The following PARD3 variants were observed in gnomAD, a reference collection of about 807,000 sequenced individuals.
PARD3 encodes the protein par-3 family cell polarity regulator.
A neutral mutation model predicts 155.4 loss-of-function variants in PARD3; 75 were observed. That is an observed-to-expected ratio of 0.48 (90% confidence interval 0.40 to 0.58). The LOEUF is 0.58. Among genes scored for constraint, PARD3 ranks in the 20% least tolerant of loss-of-function variants. The pLI is 0.00. For synonymous variants in PARD3, 576 were observed against 610.5 expected (o/e 0.94, Z 0.83); for missense variants, 1,642 against 1,721.7 (o/e 0.95, Z 0.82).
chr10:34,474,052 C>G (rs892189615), intron 3 of PARD3, among the ~76,000 whole-genome samples: 1 of 152,178 alleles, frequency 6.6e-6, no homozygotes, highest in Admixed American at 6.5e-5. Context: ...TCAGTCCCAG[C>G]TACTCAGGAG....
At chr10:34,724,320 T>G (rs2094661366) in intron 1 of PARD3, among the ~76,000 whole-genome samples, 1 of 152,148 alleles carries the variant, frequency 6.6e-6, no homozygotes, top group Non-Finnish European at 1.5e-5. Context: ...ATGCCCATTT[T>G]TAAAAGCTTA....
chr10:34,194,812 A>G (rs1950870850), intron 22 of PARD3, among the ~76,000 whole-genome samples: 1 of 152,200 alleles, frequency 6.6e-6, no homozygotes, highest in Non-Finnish European at 1.5e-5. Flanking sequence ...TTAACAGTTT[A>G]TAGTTTATTA....
rs572809152 is a variant in PARD3, at chr10:34,571,584, C to T, written c.223-54425G>A. Among the ~76,000 whole-genome samples, 105 of 152,198 alleles carry T rather than the reference C, an allele frequency of 6.9e-4. 1 individual carries two copies. The highest frequency in any genetic ancestry group is 2.4e-3 in the African/African-American group (100 of 41,536). On this transcript the variant is annotated intron_variant, in intron 2 of 24. Transcript: ENST00000374788. ...TCCTCTTCAGCATGGTGTAGCAAAA[C>T]TAGCAATAATTCTAAATGTAAAAAA...
intron 5 of PARD3, chr10:34,426,751 G>A (rs528808856): frequency 1.3e-5 from 2 of 152,130 alleles, no homozygotes; most frequent in Admixed American, 6.6e-5. Flanking sequence ...AACCAGAAAA[G>A]GAAGTAGAAG....
intron 1 of PARD3, 54 bp downstream of exon 1, chr10:34,814,822 C>G: frequency 7.7e-7 from 1 of 1,302,468 alleles, no homozygotes; most frequent in Non-Finnish European, 1.0e-6. Context: ...CCATATTGAT[C>G]CCGGCGCCGT....
chr10:34,699,692 T>C (rs2094238495), intron 1 of PARD3, among the ~76,000 whole-genome samples: 1 of 152,306 alleles, frequency 6.6e-6, no homozygotes, highest in East Asian at 1.9e-4. Flanking sequence ...AGGTCCGGCA[T>C]GATGGCTCAT....
rs2078732466 is a variant in PARD3, at chr10:34,476,741, A to G, written c.404-6478T>C. ...TAATTTATGAAAAATGTACTAGAAA[A>G]AAACATAAAAGCACTGCAAAGCAGT... On this transcript the variant is annotated intron_variant, in intron 3 of 24. Transcript: ENST00000374788. Among the ~76,000 whole-genome samples, 5 of 152,324 alleles carry G rather than the reference A, an allele frequency of 3.3e-5. No homozygotes were observed. The South Asian group carries it at 1.0e-3, about 32-fold the overall frequency.
At chr10:34,513,128 T>C (rs988554314) in intron 3 of PARD3, among the ~76,000 whole-genome samples, 11 of 152,242 alleles carry the variant, frequency 7.2e-5, no homozygotes, top group African/African-American at 2.4e-4. Context: ...TTAATATTCA[T>C]TTGAAATGTT....
intron 5 of PARD3, among the ~76,000 whole-genome samples, chr10:34,439,477 TGA>T (rs2076354760): frequency 1.3e-5 from 2 of 152,192 alleles, no homozygotes; most frequent in East Asian, 1.9e-4. Flanking sequence ...TTTCTTTTCT[TGA>T]GAGAGTTTCA....
rs1445833404 is a variant in PARD3 at position 34,238,232 on chromosome 10, C to G, written c.3419+31425G>C. 2.6e-5 allele frequency among the ~76,000 whole-genome samples: 4 copies of G among 152,176 alleles called. No individual in the cohort carries two copies. The East Asian group carries it at 7.7e-4, about 29-fold the overall frequency. ...GCAGCTGTCTTTCCTGATTTCTAAT[C>G]AAAGCTGATGATAACTGGCTTTGGC... On this transcript the variant is annotated intron_variant, in intron 22 of 24. Transcript: ENST00000374788.
At chr10:34,355,299 G>C (rs887212492) in intron 14 of PARD3, among the ~76,000 whole-genome samples, 1 of 152,224 alleles carries the variant, frequency 6.6e-6, no homozygotes, top group African/African-American at 2.4e-5. Context: ...CTGCACTCTA[G>C]CCTAGGCAAC....
At chr10:34,674,920 T>C (rs1201027122) in intron 2 of PARD3, among the ~76,000 whole-genome samples, 2 of 152,188 alleles carry the variant, frequency 1.3e-5, no homozygotes, top group Non-Finnish European at 2.9e-5. Context: ...CAGAAAACTA[T>C]AAAACAACAC....
At chr10:34,179,914 A>T (rs969780074) in intron 22 of PARD3, among the ~76,000 whole-genome samples, 1 of 150,006 alleles carries the variant, frequency 6.7e-6, no homozygotes, top group African/African-American at 2.4e-5. Flanking sequence ...AAAATGCCTT[A>T]TTTTTTTTTT....
chr10:34,477,377 T>G (rs1057308950), intron 3 of PARD3, among the ~76,000 whole-genome samples: 1 of 152,222 alleles, frequency 6.6e-6, no homozygotes, highest in Admixed American at 6.5e-5. Flanking sequence ...AGCTGCTGCA[T>G]GAAGCACAGA....
At position 34,374,905 on chromosome 10, in the gene PARD3, C is replaced by T. The variant is rs775599894; in HGVS notation, c.1637G>A (p.Arg546His). 6.2e-7 allele frequency: 1 copy of T among 1,613,922 alleles called. No homozygotes were observed. The highest frequency in any genetic ancestry group is 8.5e-7 in the Non-Finnish European group (1 of 1,179,872). ...CCTTGGGTGGAAGGCGTCTTCCTGG[C>T]GAAAGACCAGAAGGCTCACAGTTCC... ...MEGTVSLLVF[R>H]QEDAFHPREL... The change falls in exon 11 of 25, where the codon CGC becomes CAC. Residue 546 changes from arginine to histidine, a missense_variant. By Grantham distance (29) the Arg-to-His change is conservative. This residue lies in a region of PARD3 where 1,529 missense variants were observed against 1,587.3 expected (regional missense o/e 0.96). Coordinates refer to ENST00000374788, the MANE Select transcript of PARD3 (RefSeq NM_001184785.2).
rs201704807 is a variant in PARD3, at chr10:34,470,091, G to T, written c.576C>A (p.Asp192Glu). Residue 192 changes from aspartate (D) to glutamate (E), a missense_variant, in exon 4 of 25, where the codon GAC (aspartate) becomes GAA (glutamate). By Grantham distance (45) the Asp-to-Glu change is conservative. Coordinates refer to ENST00000374788, the MANE Select transcript of PARD3 (RefSeq NM_001184785.2). ...QNTAGSPKTC[D>E]RKKDENYRSL... ...AACAAGCAGAGGTGGTTACCTTCCTGTCGCAGGTTTTAGGACTCCCAGCAG... is the reference window on the plus strand; with the variant it reads ...AACAAGCAGAGGTGGTTACCTTCCTTTCGCAGGTTTTAGGACTCCCAGCAG... The T allele has an allele frequency of 3.8e-6, 6 of 1,599,190 alleles. No individual in the cohort carries two copies. The East Asian group carries it at 9.0e-5, about 24-fold the overall frequency.
At chr10:34,381,935 A>AG (rs1841894241) in intron 9 of PARD3, among the ~76,000 whole-genome samples, 2 of 148,228 alleles carry the variant, frequency 1.3e-5, no homozygotes, top group Non-Finnish European at 3.0e-5. Flanking sequence ...AAAAAAAAAA[A>AG]AAAAAAGAAA....
intron 2 of PARD3, among the ~76,000 whole-genome samples, chr10:34,611,076 G>A (rs916049900): frequency 2.0e-5 from 3 of 152,066 alleles, no homozygotes; most frequent in Admixed American, 6.6e-5. Context: ...AGTTGAAACC[G>A]GTCTATGTTA....
At chr10:34,728,298 C>T (rs938928308) in intron 1 of PARD3, among the ~76,000 whole-genome samples, 1 of 152,074 alleles carries the variant, frequency 6.6e-6, no homozygotes, top group South Asian at 2.1e-4. Flanking sequence ...CTTCAGGAAG[C>T]CTGTACATTA....
Sources: allele counts gnomAD v4.1 joint callset (sites outside exome capture counted in the v4.1 genomes callset), GRCh38; gene constraint gnomAD v4.1.1; regional missense constraint gnomAD v4.1.1; transcripts MANE v1.5; gene names NCBI Gene and HGNC (gene_info 2026-07-23, HGNC 2026-07-21).